Variants in FSTL1 observed in about 807,000 individuals in gnomAD.
FSTL1 encodes follistatin like 1.
In FSTL1, 24 loss-of-function variants were observed where a neutral mutation model predicts 45.9. The observed-to-expected ratio is 0.52, with a 90% confidence interval of 0.38 to 0.74. FSTL1 has a LOEUF of 0.74. Among genes scored for constraint, FSTL1 ranks in the 30% least tolerant of loss-of-function variants. The pLI, the probability that FSTL1 is intolerant of heterozygous loss-of-function variation, is 0.00. For synonymous variants in FSTL1, 120 were observed against 137.6 expected (o/e 0.87, Z 0.89); for missense variants, 340 against 381.8 (o/e 0.89, Z 0.91).
intron 2 of FSTL1, among the ~76,000 whole-genome samples, chr3:120,429,200 G>A (rs1937435507): frequency 6.6e-6 from 1 of 152,160 alleles, no homozygotes; most frequent in African/African-American, 2.4e-5. Flanking sequence ...TGCACATCAA[G>A]GGCTCCCTTC....
rs773281696 is a variant in FSTL1 at position 120,396,816 on chromosome 3, A to C, written c.*136T>G. On this transcript the variant is annotated 3_prime_UTR_variant, in exon 11 of 11. Transcript: ENST00000295633. ...CCTTCATATCCTTTATTGCAAAACA[A>C]ATAAACAAAATAAAACTCATTGCTA... 115 of 714,376 alleles carry C rather than the reference A, an allele frequency of 1.6e-4. No homozygotes were observed. Among genetic ancestry groups the C allele is most frequent in the Non-Finnish European group, 2.7e-4 (110 of 400,220 alleles). 44.3% of individuals were successfully genotyped at this position (714,376 alleles called of 1,614,324 possible). A position where few individuals can be genotyped will look rare whatever the true frequency, so the allele number is the denominator to read the frequency against.
intron 2 of FSTL1, among the ~76,000 whole-genome samples, chr3:120,426,642 A>G (rs976888105): frequency 2.0e-5 from 3 of 151,946 alleles, no homozygotes; most frequent in Non-Finnish European, 4.4e-5. Flanking sequence ...GCTGCTTTCC[A>G]TTACCCCAAT....
chr3:120,402,986 C>G lies in FSTL1; in HGVS notation c.695-68G>C, dbSNP rs1019831121. The G allele has an allele frequency of 4.9e-6, 5 of 1,020,850 alleles. No individual in the cohort carries two copies. The African/African-American group carries it at 7.9e-5, about 16-fold the overall frequency. The allele number at this position is 1,020,850 out of a possible 1,614,324, so 63.2% of individuals were successfully genotyped here. ...TGGAACAGGGCATCTTTGCTACAGT[C>G]TGTGCACCTTACCCTTTTTTCCCAG... On this transcript the variant is annotated intron_variant, in intron 8 of 10. Coordinates refer to ENST00000295633, the MANE Select transcript of FSTL1 (RefSeq NM_007085.5).
intron 7 of FSTL1, among the ~76,000 whole-genome samples, chr3:120,403,939 A>AAACC (rs201832420): frequency 1.3e-4 from 15 of 115,630 alleles, no homozygotes; most frequent in Middle Eastern, 5.1e-3. Flanking sequence ...AAAAAAAAAA[A>AAACC]AAAAACAAAA....
intron 2 of FSTL1, among the ~76,000 whole-genome samples, chr3:120,447,020 A>G (rs951215293): frequency 2.0e-5 from 3 of 152,204 alleles, no homozygotes; most frequent in Non-Finnish European, 4.4e-5. Context: ...GTGACAGCAG[A>G]GACATCCACC....
chr3:120,430,738 G>C (rs1187140577), intron 2 of FSTL1, among the ~76,000 whole-genome samples: 1 of 152,182 alleles, frequency 6.6e-6, no homozygotes, highest in African/African-American at 2.4e-5. Context: ...CAAACATCAT[G>C]CCAAGTGCCA....
At chr3:120,410,713 G>A (rs1448117684) in intron 5 of FSTL1, 1 of 636,536 alleles carries the variant, frequency 1.6e-6, no homozygotes, top group Non-Finnish European at 3.0e-6. Context: ...TCACTACTCA[G>A]GAAAAATGGG....
intron 6 of FSTL1, among the ~76,000 whole-genome samples, chr3:120,407,652 AGCT>A (rs1386828334): frequency 5.3e-5 from 8 of 152,246 alleles, no homozygotes; most frequent in African/African-American, 1.9e-4. Flanking sequence ...ACCAACAGGC[AGCT>A]GCTGACCTAG....
chr3:120,434,467 G>A (rs990361907), intron 2 of FSTL1, among the ~76,000 whole-genome samples: 3 of 152,166 alleles, frequency 2.0e-5, no homozygotes, highest in Non-Finnish European at 4.4e-5. Flanking sequence ...AAGACCTGGG[G>A]TCACATATAA....
At position 120,393,841 on chromosome 3, in the gene FSTL1, G is replaced by A. The variant is rs1936637053; in HGVS notation, c.*3111C>T. 1 of 152,118 alleles carries A rather than the reference G, an allele frequency of 6.6e-6. No individual in the cohort carries two copies. The highest frequency in any genetic ancestry group is 1.5e-5 in the Non-Finnish European group (1 of 68,022). 9.4% of individuals were successfully genotyped at this position (152,118 alleles called of 1,614,324 possible). A position where few individuals can be genotyped will look rare whatever the true frequency, so the allele number is the denominator to read the frequency against. Reference sequence around the variant, plus strand: ...TTATAAAAGAGGCCTAAGGGAGTTTGTTCACCCTTTTCACCATGTGGGGAT... The same window carrying A: ...TTATAAAAGAGGCCTAAGGGAGTTTATTCACCCTTTTCACCATGTGGGGAT... On this transcript the variant is annotated 3_prime_UTR_variant, in exon 11 of 11. Transcript: ENST00000295633.
intron 2 of FSTL1, among the ~76,000 whole-genome samples, chr3:120,437,184 G>A (rs952295454): frequency 6.6e-6 from 1 of 152,148 alleles, no homozygotes; most frequent in African/African-American, 2.4e-5. Context: ...CAAATGTTAT[G>A]CCACAAACTA....
chr3:120,403,938 A>AC lies in FSTL1; in HGVS notation c.582-585_582-584insG, dbSNP rs1270135352. 1.1e-4 allele frequency among the ~76,000 whole-genome samples: 14 copies of AC among 131,778 alleles called. 1 individual carries two copies. The highest frequency in any genetic ancestry group is 7.3e-4 in the South Asian group (3 of 4,084). 86.5% of individuals were successfully genotyped at this position (131,778 alleles called of 152,430 possible). ...TCCGTCTCAAAAAAAAAAAAAAAAA[A>AC]AAAAAACAAAAACAAAACAAAACAA... On this transcript the variant is annotated intron_variant, in intron 7 of 10. Transcript: ENST00000295633.
intron 6 of FSTL1, among the ~76,000 whole-genome samples, chr3:120,405,259 T>C (rs1936925928): frequency 6.6e-6 from 1 of 152,216 alleles, no homozygotes. Context: ...CACTGCCCTG[T>C]AGACACTTTT....
chr3:120,434,676 A>G (rs1937522983), intron 2 of FSTL1, among the ~76,000 whole-genome samples: 1 of 152,144 alleles, frequency 6.6e-6, no homozygotes, highest in Non-Finnish European at 1.5e-5. Context: ...CAGCACATAT[A>G]TGGACTTCAC....
At chr3:120,411,228 T>G in intron 4 of FSTL1, 1 of 409,728 alleles carries the variant, frequency 2.4e-6, no homozygotes, top group South Asian at 2.7e-5. Flanking sequence ...CCTCCTCCTG[T>G]TGCATTGAGG....
intron 3 of FSTL1, among the ~76,000 whole-genome samples, chr3:120,414,432 C>T (rs1322776851): frequency 9.9e-5 from 15 of 150,942 alleles, no homozygotes; most frequent in Admixed American, 1.3e-4. Context: ...TCTGCCCGGC[C>T]GCCCCTACTG....
chr3:120,438,626 C>T (rs901194755), intron 2 of FSTL1, among the ~76,000 whole-genome samples: 1 of 152,170 alleles, frequency 6.6e-6, no homozygotes, highest in Non-Finnish European at 1.5e-5. Context: ...TTTTGACAGT[C>T]TAGCCTAGAA....
In FSTL1 at chr3:120,403,369, A is replaced by G. The variant is rs1163547487; in HGVS notation, c.582-15T>C. 8.9e-6 allele frequency: 13 copies of G among 1,459,794 alleles called. No homozygotes were observed. The highest frequency in any genetic ancestry group is 1.4e-5 in the African/African-American group (1 of 72,060). The allele number at this position is 1,459,794 out of a possible 1,614,324, so 90.4% of individuals were successfully genotyped here. A position where few individuals can be genotyped will look rare whatever the true frequency, so the allele number is the denominator to read the frequency against. ...CACAGAGTCCCCTGAAACAAAACACAGGAGAAATGTGTTAGCAAGACCTCA... is the reference window on the plus strand; with the variant it reads ...CACAGAGTCCCCTGAAACAAAACACGGGAGAAATGTGTTAGCAAGACCTCA... On this transcript the variant is annotated splice_polypyrimidine_tract_variant and intron_variant, in intron 7 of 10. Coordinates refer to ENST00000295633, the MANE Select transcript of FSTL1 (RefSeq NM_007085.5).
chr3:120,442,082 T>A (rs1361746519), intron 2 of FSTL1, among the ~76,000 whole-genome samples: 1 of 152,246 alleles, frequency 6.6e-6, no homozygotes, highest in East Asian at 1.9e-4. Flanking sequence ...AGGATTCTCC[T>A]GGTGAAATCA....
Sources: gnomAD v4.1 joint callset for allele counts (sites outside exome capture counted in the v4.1 genomes callset) on GRCh38, gnomAD v4.1.1 for gene constraint, MANE v1.5 for transcripts, NCBI Gene and HGNC (gene_info 2026-07-23, HGNC 2026-07-21) for gene names.